Variants in LPA observed in about 807,000 individuals in gnomAD.
The protein encoded by LPA is lipoprotein(a).
Under a neutral mutation model 197.9 loss-of-function variants are expected in LPA, and 199 were observed. That is an observed-to-expected ratio of 1.01 (90% CI 0.90 to 1.13). The LOEUF (loss-of-function observed/expected upper bound fraction) is 1.13, where lower values mean the gene tolerates loss of function less well. Ranked by LOEUF, LPA falls within the 50% of genes most tolerant of loss-of-function variation. The pLI is 0.00. For synonymous variants in LPA, 715 were observed against 639.5 expected (o/e 1.12, Z -1.78); for missense variants, 1,853 against 1,785.8 (o/e 1.04, Z -0.68).
intron 37 of LPA, among the ~76,000 whole-genome samples, chr6:160,535,792 G>A (rs1777886049): frequency 6.6e-6 from 1 of 152,108 alleles, no homozygotes; most frequent in Non-Finnish European, 1.5e-5. Context: ...AGAAAGCGGA[G>A]GCTAAAAGAG....
At chr6:160,590,211 C>T (rs1347356645) in intron 23 of LPA, among the ~76,000 whole-genome samples, 1 of 152,216 alleles carries the variant, frequency 6.6e-6, no homozygotes, top group East Asian at 1.9e-4. Flanking sequence ...GACACATTGT[C>T]TCTCAGAGAG....
chr6:160,647,314 T>G (rs1779910689), intron 2 of LPA, among the ~76,000 whole-genome samples: 1 of 152,208 alleles, frequency 6.6e-6, no homozygotes, highest in Admixed American at 6.5e-5. Flanking sequence ...GCGGGGATCT[T>G]GAAGCATTCG....
intron 19 of LPA, among the ~76,000 whole-genome samples, chr6:160,600,417 G>C (rs1583610850): frequency 6.6e-6 from 1 of 152,134 alleles, no homozygotes; most frequent in African/African-American, 2.4e-5. Context: ...CTGAGAGATA[G>C]AGCTTCGGGA....
chr6:160,549,787 G>T (rs967090166), intron 30 of LPA, among the ~76,000 whole-genome samples: 2 of 152,178 alleles, frequency 1.3e-5, no homozygotes, highest in Non-Finnish European at 1.5e-5. Context: ...TCCTCTACTG[G>T]CCACAGCCAC....
intron 28 of LPA, among the ~76,000 whole-genome samples, chr6:160,567,757 T>C (rs1326985411): frequency 2.6e-5 from 4 of 151,474 alleles, no homozygotes; most frequent in African/African-American, 4.9e-5. Context: ...GCAAGACTAA[T>C]AAAGAAGAAA....
At chr6:160,597,586 G>A (rs1779158204) in intron 20 of LPA, among the ~76,000 whole-genome samples, 1 of 152,204 alleles carries the variant, frequency 6.6e-6, no homozygotes, top group Non-Finnish European at 1.5e-5. Flanking sequence ...AGACCATCCA[G>A]TGAATTTTTC....
intron 18 of LPA, among the ~76,000 whole-genome samples, chr6:160,603,233 G>GGGGTGTGTGTGT (rs143056855): frequency 1.4e-5 from 2 of 144,760 alleles, no homozygotes; most frequent in Admixed American, 6.9e-5. Flanking sequence ...TATTTGTGGA[G>GGGGTGTGTGTGT]GTGTGTGTGT....
At chr6:160,560,584 C>A (rs181094755) in intron 28 of LPA, among the ~76,000 whole-genome samples, 2 of 151,952 alleles carry the variant, frequency 1.3e-5, no homozygotes, top group Admixed American at 1.3e-4. Flanking sequence ...ACATAAAGGT[C>A]TTCCTGTCAG....
intron 18 of LPA, among the ~76,000 whole-genome samples, chr6:160,603,816 C>T (rs9365179): frequency 0.4 from 60,899 of 151,912 alleles, 12,524 homozygotes; most frequent in African/African-American, 0.49. Context: ...TTCAGTTTTG[C>T]CAGGGTTTGT....
chr6:160,587,903 G>A (rs1562333258), intron 24 of LPA, among the ~76,000 whole-genome samples: 1 of 151,870 alleles, frequency 6.6e-6, no homozygotes, highest in Non-Finnish European at 1.5e-5. Context: ...TGATGATAAG[G>A]CCATCCAGTG....
At position 160,567,721 on chromosome 6, in the gene LPA, A is replaced by G. The variant is rs908122738; in HGVS notation, c.4631+9415T>C. Among the ~76,000 whole-genome samples the G allele has an allele frequency of 5.0e-4, 76 of 152,298 alleles. 2 individuals are homozygous for G. The highest frequency in any genetic ancestry group is 1.7e-3 in the African/African-American group (72 of 41,566). ...GAATCCAGGAGCTGGTTTTTTGAAAAGATCAACAAAATTGATAGACCACTA... is the reference window on the plus strand; with the variant it reads ...GAATCCAGGAGCTGGTTTTTTGAAAGGATCAACAAAATTGATAGACCACTA... On this transcript the variant is annotated intron_variant, in intron 28 of 38. Coordinates refer to ENST00000316300, the MANE Select transcript of LPA (RefSeq NM_005577.4).
intron 32 of LPA, among the ~76,000 whole-genome samples, chr6:160,545,953 T>C (rs1778063164): frequency 6.6e-6 from 1 of 152,150 alleles, no homozygotes; most frequent in Non-Finnish European, 1.5e-5. Context: ...TTATGCACCA[T>C]CCACAGCCAA....
At chr6:160,579,081 T>G (rs1278015074) in intron 26 of LPA, among the ~76,000 whole-genome samples, 2 of 152,132 alleles carry the variant, frequency 1.3e-5, no homozygotes, top group African/African-American at 4.8e-5. Flanking sequence ...CATACAAAGA[T>G]ATCTCTGTCT....
At chr6:160,601,123 T>C (rs1384072904) in intron 18 of LPA, 25 bp from the exon 19 acceptor site, 3 of 1,610,424 alleles carry the variant, frequency 1.9e-6, no homozygotes, top group African/African-American at 2.7e-5. Flanking sequence ...AGAATACACA[T>C]CACAAAAAAT....
chr6:160,573,864 T>G (rs1265899560), intron 28 of LPA, among the ~76,000 whole-genome samples: 1 of 151,958 alleles, frequency 6.6e-6, no homozygotes, highest in African/African-American at 2.4e-5. Context: ...GTTCCTAGCT[T>G]TGGTGGTTTA....
At chr6:160,586,686 C>A (rs1778918809) in intron 24 of LPA, 56 bp from the exon 25 acceptor site, 1 of 1,610,600 alleles carries the variant, frequency 6.2e-7, no homozygotes, top group South Asian at 1.1e-5. Context: ...ACAGCACCAC[C>A]TGGCACCCTC....
Position 160,589,119 on chromosome 6 carries a change from G to A in LPA, c.3947+434C>T, listed in dbSNP as rs115739169. On this transcript the variant is annotated intron_variant, in intron 24 of 38. Transcript: ENST00000316300. ...ATACAGGTTAGAGGAGAAAGTGATCGGAAGATCTCGAAGTCAATATAGATA... is the reference window on the plus strand; with the variant it reads ...ATACAGGTTAGAGGAGAAAGTGATCAGAAGATCTCGAAGTCAATATAGATA... Among the ~76,000 whole-genome samples, 1,281 of 152,284 alleles carry A rather than the reference G, an allele frequency of 8.4e-3. 23 individuals are homozygous for A. The highest frequency in any genetic ancestry group is 0.029 in the African/African-American group (1,222 of 41,550).
At chr6:160,604,337 C>A (rs1346649583) in intron 18 of LPA, among the ~76,000 whole-genome samples, 1 of 152,174 alleles carries the variant, frequency 6.6e-6, no homozygotes, top group Admixed American at 6.5e-5. Flanking sequence ...TGTCACTATT[C>A]TTTTGGTCCA....
chr6:160,555,436 C>CATATATATATATATATATATATATAT (rs770158265), intron 30 of LPA, among the ~76,000 whole-genome samples: 31 of 121,976 alleles, frequency 2.5e-4, no homozygotes, highest in East Asian at 1.5e-3. Flanking sequence ...TTCCCTAGAA[C>CATATATATATATATATATATATATAT]ATATATATAT....
Sources: allele counts gnomAD v4.1 joint callset (sites outside exome capture counted in the v4.1 genomes callset), GRCh38; gene constraint gnomAD v4.1.1; transcripts MANE v1.5; gene names NCBI Gene and HGNC (gene_info 2026-07-23, HGNC 2026-07-21).